The following UNC5D variants were observed in gnomAD, a reference collection of about 807,000 sequenced individuals.
UNC5D encodes the protein unc-5 netrin receptor D.
Under a neutral mutation model 105.4 loss-of-function variants are expected in UNC5D, and 39 were observed. The ratio of observed to expected loss-of-function variants is 0.37; its 90% CI spans 0.29 to 0.48. The LOEUF (loss-of-function observed/expected upper bound fraction) is 0.48. UNC5D is among the 20% of genes least tolerant of loss of function. The pLI, the probability that UNC5D is intolerant of heterozygous loss-of-function variation, is 0.98. For synonymous variants in UNC5D, 452 were observed against 450.4 expected, an observed-to-expected ratio of 1.00 and a Z score of -0.04; for missense variants, 991 against 1,202.4, an observed-to-expected ratio of 0.82 and a Z score of 2.60.
At chr8:35,356,723 C>T (rs994058087) in intron 1 of UNC5D, among the ~76,000 whole-genome samples, 1 of 151,876 alleles carries the variant, frequency 6.6e-6, no homozygotes, top group African/African-American at 2.4e-5. Context: ...TCCAAATTGC[C>T]TGCATGACTA....
chr8:35,280,043 T>C (rs1042263839), intron 1 of UNC5D, among the ~76,000 whole-genome samples: 1 of 152,178 alleles, frequency 6.6e-6, no homozygotes, highest in African/African-American at 2.4e-5. Context: ...TCACATAGGC[T>C]GGAATGCAAT....
intron 1 of UNC5D, among the ~76,000 whole-genome samples, chr8:35,427,928 G>A (rs1317764131): frequency 6.6e-6 from 1 of 152,136 alleles, no homozygotes; most frequent in Non-Finnish European, 1.5e-5. Flanking sequence ...GATGCAGTAG[G>A]AATGGTGACT....
chr8:35,608,620 C>T (rs998776102), intron 4 of UNC5D, among the ~76,000 whole-genome samples: 1 of 152,178 alleles, frequency 6.6e-6, no homozygotes, highest in Admixed American at 6.5e-5. Context: ...ATCATCTCCA[C>T]TATCTGTCAT....
chr8:35,610,012 G>T (rs2130973773), intron 4 of UNC5D, among the ~76,000 whole-genome samples: 1 of 152,158 alleles, frequency 6.6e-6, no homozygotes, highest in East Asian at 1.9e-4. Flanking sequence ...TATCTGACCA[G>T]AAAAGTGTTA....
chr8:35,706,351 G>C (rs940168043), intron 8 of UNC5D, among the ~76,000 whole-genome samples: 2 of 152,150 alleles, frequency 1.3e-5, no homozygotes, highest in Non-Finnish European at 2.9e-5. Flanking sequence ...CTTACCTCCT[G>C]TGGAATCCAT....
intron 1 of UNC5D, among the ~76,000 whole-genome samples, chr8:35,250,101 C>T (rs1326215165): frequency 6.6e-6 from 1 of 151,960 alleles, no homozygotes; most frequent in Non-Finnish European, 1.5e-5. Context: ...AGATGAGCCC[C>T]AAATGTTTAA....
Position 35,790,822 on chromosome 8 carries a change from C to G in UNC5D, c.*259C>G. The G allele has an allele frequency of 1.9e-6, 1 of 515,372 alleles. No homozygotes were observed. Among genetic ancestry groups the G allele is most frequent in the South Asian group, 2.4e-5 (1 of 41,952 alleles). 31.9% of individuals were successfully genotyped at this position (515,372 alleles called of 1,614,324 possible). A position where few individuals can be genotyped will look rare whatever the true frequency, so the allele number is the denominator to read the frequency against. ...GGTTAACTCCTCAGATTTGGAGTGGCAAGGATAAAAGTGAGGGCAGAAGTA... is the reference window on the plus strand; with the variant it reads ...GGTTAACTCCTCAGATTTGGAGTGGGAAGGATAAAAGTGAGGGCAGAAGTA... On this transcript the variant is annotated 3_prime_UTR_variant, in exon 17 of 17. Coordinates refer to ENST00000404895, the MANE Select transcript of UNC5D (RefSeq NM_080872.4).
rs13256407 is a variant in UNC5D at position 35,252,462 on chromosome 8, C to G, written c.103+16575C>G. On this transcript the variant is annotated intron_variant, in intron 1 of 16. Transcript: ENST00000404895. ...AGTTTAAACAAATATGTGTGTACTC[C>G]TAAACATAGGTTACTTTTGCTTCTT... 9.2e-5 allele frequency among the ~76,000 whole-genome samples: 14 copies of G among 152,068 alleles called. No homozygotes were observed. In the East Asian group the frequency reaches 2.5e-3, roughly 27 times the overall value.
chr8:35,469,913 G>A (rs1464851652), intron 1 of UNC5D, among the ~76,000 whole-genome samples: 1 of 152,162 alleles, frequency 6.6e-6, no homozygotes, highest in African/African-American at 2.4e-5. Flanking sequence ...TGAAGGAAAG[G>A]ACACTGGAAC....
At chr8:35,267,597 C>T (rs888092570) in intron 1 of UNC5D, among the ~76,000 whole-genome samples, 7 of 152,110 alleles carry the variant, frequency 4.6e-5, no homozygotes, top group Admixed American at 3.9e-4. Flanking sequence ...CACCACCATG[C>T]CCAGCTAATT....
chr8:35,746,981 T>C (rs567420583), intron 11 of UNC5D, among the ~76,000 whole-genome samples: 1 of 152,332 alleles, frequency 6.6e-6, no homozygotes, highest in South Asian at 2.1e-4. Context: ...TTGATGTTGC[T>C]AATACACTGC....
At chr8:35,472,884 G>C (rs1231577623) in intron 1 of UNC5D, among the ~76,000 whole-genome samples, 1 of 152,126 alleles carries the variant, frequency 6.6e-6, no homozygotes, top group Non-Finnish European at 1.5e-5. Flanking sequence ...AAGATCCCGG[G>C]ATGAAAGCGT....
At chr8:35,686,130 G>A (rs1415288679) in intron 6 of UNC5D, among the ~76,000 whole-genome samples, 1 of 152,268 alleles carries the variant, frequency 6.6e-6, no homozygotes, top group African/African-American at 2.4e-5. Context: ...AGGGCTTAAA[G>A]ATAGTTCATT....
chr8:35,666,313 ATC>A (rs1338309156), intron 4 of UNC5D, among the ~76,000 whole-genome samples: 1 of 152,158 alleles, frequency 6.6e-6, no homozygotes, highest in African/African-American at 2.4e-5. Context: ...TTGTGGACTA[ATC>A]CGTACATTGC....
chr8:35,697,844 G>A (rs1586465815), intron 7 of UNC5D, among the ~76,000 whole-genome samples: 1 of 152,098 alleles, frequency 6.6e-6, no homozygotes, highest in African/African-American at 2.4e-5. Context: ...AAATAATTTG[G>A]AAGTCAAGGG....
intron 1 of UNC5D, among the ~76,000 whole-genome samples, chr8:35,499,692 C>T (rs1033365563): frequency 6.6e-6 from 1 of 152,124 alleles, no homozygotes; most frequent in Non-Finnish European, 1.5e-5. Context: ...GGGCCCAGGA[C>T]AAGCTCCAGG....
At chr8:35,300,881 G>C (rs185083878) in intron 1 of UNC5D, among the ~76,000 whole-genome samples, 20 of 152,272 alleles carry the variant, frequency 1.3e-4, no homozygotes, top group African/African-American at 3.6e-4. Context: ...AAACCCTGTG[G>C]TGTTGGATTG....
intron 1 of UNC5D, among the ~76,000 whole-genome samples, chr8:35,316,965 A>G (rs1292490939): frequency 2.0e-5 from 3 of 152,176 alleles, no homozygotes; most frequent in Non-Finnish European, 4.4e-5. Context: ...CACAAAATAA[A>G]TGTTCTGACT....
At chr8:35,444,959 A>G (rs1807675093) in intron 1 of UNC5D, among the ~76,000 whole-genome samples, 1 of 152,014 alleles carries the variant, frequency 6.6e-6, no homozygotes. Context: ...GTTTACTTTC[A>G]AAGTGTCTCA....
Sources: gnomAD v4.1 joint callset for allele counts (sites outside exome capture counted in the v4.1 genomes callset) on GRCh38, gnomAD v4.1.1 for gene constraint, MANE v1.5 for transcripts, NCBI Gene and HGNC (gene_info 2026-07-23, HGNC 2026-07-21) for gene names.